Variants in RARB observed in about 807,000 individuals in gnomAD.
RARB encodes the protein retinoic acid receptor beta.
A neutral mutation model predicts 51.9 loss-of-function variants in RARB; 17 were observed. The ratio of observed to expected loss-of-function variants is 0.33; its 90% CI spans 0.22 to 0.49. The LOEUF is 0.49. RARB is among the 20% of genes least tolerant of loss of function. The pLI is 0.99. For synonymous variants in RARB, 215 were observed against 195.4 expected (o/e 1.10, Z -0.84); for missense variants, 369 against 550.8 (o/e 0.67, Z 3.30).
At chr3:25,419,604 G>A (rs1246963169) in intron 5 of RARB, among the ~76,000 whole-genome samples, 1 of 152,152 alleles carries the variant, frequency 6.6e-6, no homozygotes, top group African/African-American at 2.4e-5. Flanking sequence ...ACAGTGTAGT[G>A]TGCAGAATGA....
At chr3:24,933,234 T>C (rs973645568) in intron 2 of RARB, among the ~76,000 whole-genome samples, 1 of 152,108 alleles carries the variant, frequency 6.6e-6, no homozygotes, top group Non-Finnish European at 1.5e-5. Flanking sequence ...GAAATGAGAA[T>C]CATTGGTTTT....
intron 2 of RARB, among the ~76,000 whole-genome samples, chr3:25,467,041 C>T (rs932266348): frequency 6.6e-6 from 1 of 152,220 alleles, no homozygotes; most frequent in African/African-American, 2.4e-5. Context: ...TTCATGTCCA[C>T]CTGCCCAGGG....
At chr3:25,082,613 T>A (rs1036225941) in intron 3 of RARB, among the ~76,000 whole-genome samples, 1 of 152,104 alleles carries the variant, frequency 6.6e-6, no homozygotes, top group Non-Finnish European at 1.5e-5. Context: ...TTTAGGTATT[T>A]TATGAAATCC....
chr3:25,320,987 C>T (rs1704554571), intron 5 of RARB, among the ~76,000 whole-genome samples: 1 of 152,170 alleles, frequency 6.6e-6, no homozygotes, highest in Non-Finnish European at 1.5e-5. Context: ...TCTTTATATC[C>T]TTCTTTGAAT....
chr3:25,244,564 T>C (rs1011633057), intron 5 of RARB, among the ~76,000 whole-genome samples: 1 of 152,232 alleles, frequency 6.6e-6, no homozygotes, highest in Non-Finnish European at 1.5e-5. Context: ...TTCATTTTGT[T>C]GTTTACCCAG....
intron 5 of RARB, among the ~76,000 whole-genome samples, chr3:25,378,889 C>T (rs116253260): frequency 0.01 from 1,540 of 152,224 alleles, 34 homozygotes; most frequent in African/African-American, 0.035. Context: ...AGGAAAAAAA[C>T]CTGCACATAA....
chr3:25,121,848 C>T (rs1220835640), intron 3 of RARB, among the ~76,000 whole-genome samples: 1 of 152,060 alleles, frequency 6.6e-6, no homozygotes, highest in Non-Finnish European at 1.5e-5. Flanking sequence ...ATTTGAAGAC[C>T]ATTTGGAGGT....
chr3:25,355,560 C>A (rs1259488409), intron 5 of RARB, among the ~76,000 whole-genome samples: 1 of 151,942 alleles, frequency 6.6e-6, no homozygotes, highest in African/African-American at 2.4e-5. Context: ...TACTACTAAC[C>A]ACTGAGCCTG....
At chr3:25,171,653 A>AAAAAACAAAAAAAAC (rs1700649813) in intron 4 of RARB, among the ~76,000 whole-genome samples, 1 of 145,828 alleles carries the variant, frequency 6.9e-6, no homozygotes, top group African/African-American at 2.6e-5. Context: ...TAAAAAAAAA[A>AAAAAACAAAAAAAAC]AAAAAAAACA....
chr3:25,189,741 C>A (rs750139151), intron 5 of RARB, among the ~76,000 whole-genome samples: 1 of 152,036 alleles, frequency 6.6e-6, no homozygotes, highest in Non-Finnish European at 1.5e-5. Flanking sequence ...CAAAAATTAG[C>A]CGGCATGGTG....
intron 2 of RARB, among the ~76,000 whole-genome samples, chr3:24,968,148 G>A (rs934996233): frequency 6.6e-6 from 1 of 152,126 alleles, no homozygotes; most frequent in Non-Finnish European, 1.5e-5. Flanking sequence ...ATCTACTTGA[G>A]GGCCAAAGAT....
chr3:25,222,777 A>G (rs1701975053), intron 5 of RARB, among the ~76,000 whole-genome samples: 2 of 152,222 alleles, frequency 1.3e-5, no homozygotes, highest in Non-Finnish European at 2.9e-5. Flanking sequence ...CTGGAAATAC[A>G]GTAACATTCT....
intron 5 of RARB, among the ~76,000 whole-genome samples, chr3:25,396,647 C>A (rs2125491196): frequency 6.6e-6 from 1 of 152,194 alleles, no homozygotes; most frequent in African/African-American, 2.4e-5. Flanking sequence ...TAGAGAAAAA[C>A]CATCAGGTTA....
At chr3:24,843,101 A>AT (rs1315100925) in intron 1 of RARB, among the ~76,000 whole-genome samples, 9 of 152,174 alleles carry the variant, frequency 5.9e-5, no homozygotes, top group East Asian at 3.9e-4. Context: ...TGAATACAGT[A>AT]TTTTTTTTAA....
chr3:25,101,927 TTAAAA>T (rs764522297), intron 3 of RARB, among the ~76,000 whole-genome samples: 1 of 152,068 alleles, frequency 6.6e-6, no homozygotes, highest in Non-Finnish European at 1.5e-5. Context: ...TTGTAACTCT[TTAAAA>T]TAATTCAGAG....
At chr3:25,416,801 C>T (rs1707716332) in intron 5 of RARB, among the ~76,000 whole-genome samples, 1 of 152,152 alleles carries the variant, frequency 6.6e-6, no homozygotes, top group African/African-American at 2.4e-5. Context: ...TTCAGAGGGG[C>T]ACGTCACTCG....
intron 1 of RARB, among the ~76,000 whole-genome samples, chr3:25,448,728 A>G (rs1179812334): frequency 6.6e-6 from 1 of 152,118 alleles, no homozygotes; most frequent in South Asian, 2.1e-4. Flanking sequence ...TGGCCTCCCA[A>G]ACTGCTGAGA....
intron 2 of RARB, among the ~76,000 whole-genome samples, chr3:25,035,107 G>A (rs1559442122): frequency 1.3e-5 from 2 of 152,070 alleles, no homozygotes; most frequent in Admixed American, 1.3e-4. Context: ...CACATGTCAG[G>A]TACTGTTAAC....
chr3:25,036,816 A>AG (rs1203901610), intron 2 of RARB, among the ~76,000 whole-genome samples: 1 of 152,006 alleles, frequency 6.6e-6, no homozygotes, highest in Non-Finnish European at 1.5e-5. Flanking sequence ...CAGGGTGGGG[A>AG]GGGGGGATCT....
Sources: allele counts gnomAD v4.1 joint callset (sites outside exome capture counted in the v4.1 genomes callset), GRCh38; gene constraint gnomAD v4.1.1; transcripts MANE v1.5; gene names NCBI Gene and HGNC (gene_info 2026-07-23, HGNC 2026-07-21).